MTHFD1L: variants seen among roughly 807,000 people sequenced by gnomAD.
MTHFD1L encodes the protein methylenetetrahydrofolate dehydrogenase (NADP+ dependent) 1 like.
A neutral mutation model predicts 119.5 loss-of-function variants in MTHFD1L; 81 were observed. The observed-to-expected ratio is 0.68, with a 90% CI of 0.57 to 0.82. The LOEUF (loss-of-function observed/expected upper bound fraction) is 0.82, where lower values mean the gene tolerates loss of function less well. Among genes scored for constraint, MTHFD1L ranks in the 40% least tolerant of loss-of-function variants. The probability of loss-of-function intolerance (pLI) is 0.00; values close to 1 mark genes in which losing one functional copy is unlikely to be tolerated. For synonymous variants in MTHFD1L, 430 were observed against 475.2 expected, an observed-to-expected ratio of 0.90 and a Z score of 1.24; for missense variants, 1,125 against 1,253.4, an observed-to-expected ratio of 0.90 and a Z score of 1.55.
intron 27 of MTHFD1L, chr6:151,099,865 A>C: frequency 2.5e-6 from 4 of 1,581,906 alleles, no homozygotes; most frequent in Non-Finnish European, 3.4e-6. Flanking sequence ...CATCGTGGAA[A>C]GAGCTGCCCA....
intron 8 of MTHFD1L, among the ~76,000 whole-genome samples, chr6:150,914,532 C>A (rs983484559): frequency 6.6e-5 from 10 of 150,996 alleles, no homozygotes; most frequent in Non-Finnish European, 1.5e-4. Context: ...GGTGGCACAC[C>A]CTTGCAATCC....
intron 24 of MTHFD1L, among the ~76,000 whole-genome samples, chr6:151,029,391 C>T (rs903044808): frequency 6.6e-6 from 1 of 151,570 alleles, no homozygotes; most frequent in Non-Finnish European, 1.5e-5. Flanking sequence ...ACTACACTAC[C>T]AGCCTGGGTA....
chr6:151,078,081 A>G (rs1009443787), intron 26 of MTHFD1L, among the ~76,000 whole-genome samples: 1 of 148,516 alleles, frequency 6.7e-6, no homozygotes, highest in Non-Finnish European at 1.5e-5. Context: ...AAAATCAAGG[A>G]AAATAATATA....
rs565356763 is a variant in MTHFD1L, at chr6:150,944,709, A to G, written c.1548+116A>G. 42 of 746,098 alleles carry G rather than the reference A, an allele frequency of 5.6e-5. No homozygotes were observed. The South Asian group carries it at 7.9e-4, about 14-fold the overall frequency. 46.2% of individuals were successfully genotyped at this position (746,098 alleles called of 1,614,324 possible). On this transcript the variant is annotated intron_variant, in intron 14 of 27. Coordinates refer to ENST00000367321, the MANE Select transcript of MTHFD1L (RefSeq NM_015440.5). ...CAAACTCTGAAATGTTATTCAATTC[A>G]ATTTTGTGATTTTTACATATGTCCC...
chr6:150,888,006 A>G (rs1369069065), intron 7 of MTHFD1L, 25 bp downstream of exon 7: 13 of 1,581,824 alleles, frequency 8.2e-6, no homozygotes, highest in Non-Finnish European at 1.1e-5. Flanking sequence ...AGAAACATAC[A>G]TCTTGAAGGC....
At chr6:151,042,379 T>G (rs1307810820) in intron 26 of MTHFD1L, among the ~76,000 whole-genome samples, 1 of 152,240 alleles carries the variant, frequency 6.6e-6, no homozygotes, top group South Asian at 2.1e-4. Context: ...TTGTAAGAGA[T>G]AGTTTTTCTA....
intron 27 of MTHFD1L, among the ~76,000 whole-genome samples, chr6:151,098,727 C>G (rs1188470993): frequency 6.6e-6 from 1 of 152,148 alleles, no homozygotes; most frequent in Non-Finnish European, 1.5e-5. Context: ...AGATATTTTC[C>G]CACTGAGTTA....
Position 150,949,048 on chromosome 6 carries a change from G to A in MTHFD1L, c.1641G>A (p.Lys547=). 6.2e-7 allele frequency: 1 copy of A among 1,613,830 alleles called. No homozygotes were observed. ...ATCATTAGAAACTGGGAATAAATAA[G>A]ACTGATCCGAGCACACTGACAGAAG... ...LARLKKLGIN[K]TDPSTLTEEE... is the part of the protein sequence containing the mutation. Residue 547 remains lysine, a synonymous_variant, in exon 16 of 28, where the codon AAG becomes AAA. Transcript: ENST00000367321.
chr6:150,938,762 A>T lies in MTHFD1L; in HGVS notation c.1440+17A>T. 1 of 1,599,910 alleles carries T rather than the reference A, an allele frequency of 6.3e-7. No individual in the cohort carries two copies. Among genetic ancestry groups the T allele is most frequent in the Non-Finnish European group, 8.5e-7 (1 of 1,173,134 alleles). ...ATGGAGGAGGTAAGACCTTGAAGAG[A>T]TGCGGGTCAGCTATCACTGTGTTTC... On this transcript the variant is annotated intron_variant, in intron 13 of 27. Transcript: ENST00000367321.
rs557049931 is a variant in MTHFD1L at position 151,065,024 on chromosome 6, G to A, written c.2848-27443G>A. Among the ~76,000 whole-genome samples the A allele has an allele frequency of 3.9e-5, 6 of 152,078 alleles. No homozygotes were observed. In the South Asian group the frequency reaches 6.2e-4, roughly 16 times the overall value. On this transcript the variant is annotated intron_variant, in intron 26 of 27. Coordinates refer to ENST00000367321, the MANE Select transcript of MTHFD1L (RefSeq NM_015440.5). ...TCACCATGTTGGCCAGACTGGTCTCGAACCCTTGACCTCAGGTGATCCACC... is the reference window on the plus strand; with the variant it reads ...TCACCATGTTGGCCAGACTGGTCTCAAACCCTTGACCTCAGGTGATCCACC...
chr6:151,003,306 C>T (rs545444591), intron 20 of MTHFD1L, among the ~76,000 whole-genome samples: 41 of 152,210 alleles, frequency 2.7e-4, no homozygotes, highest in African/African-American at 9.4e-4. Context: ...CCGAGGTGGG[C>T]GGATCACCTG....
chr6:150,900,333 T>C (rs527934929), intron 7 of MTHFD1L, among the ~76,000 whole-genome samples: 274 of 152,286 alleles, frequency 1.8e-3, no homozygotes, highest in Non-Finnish European at 3.4e-3. Flanking sequence ...CTGCCCTTCG[T>C]AGCTCCTGAG....
chr6:151,003,076 A>C (rs1780845177), intron 20 of MTHFD1L, among the ~76,000 whole-genome samples: 2 of 152,240 alleles, frequency 1.3e-5, no homozygotes, highest in Admixed American at 1.3e-4. Flanking sequence ...GTGATTCTGC[A>C]GAAATGGGTT....
At chr6:151,038,444 G>A (rs1210149139) in intron 26 of MTHFD1L, among the ~76,000 whole-genome samples, 1 of 152,166 alleles carries the variant, frequency 6.6e-6, no homozygotes, top group Non-Finnish European at 1.5e-5. Context: ...ATGGGAATGG[G>A]ATTGGGATAG....
At chr6:150,876,029 G>A in intron 1 of MTHFD1L, 61 bp from the exon 2 acceptor site, 1 of 1,276,460 alleles carries the variant, frequency 7.8e-7, no homozygotes, top group Non-Finnish European at 1.1e-6. Flanking sequence ...AAAATGTGTT[G>A]TGTCAGTCCT....
intron 19 of MTHFD1L, among the ~76,000 whole-genome samples, chr6:150,969,037 C>G (rs1165818832): frequency 6.6e-6 from 1 of 151,350 alleles, no homozygotes; most frequent in Non-Finnish European, 1.5e-5. Flanking sequence ...TTAGTAGAGA[C>G]AGGGTTTTAC....
At chr6:150,987,063 G>C (rs1778412647) in intron 20 of MTHFD1L, among the ~76,000 whole-genome samples, 1 of 152,088 alleles carries the variant, frequency 6.6e-6, no homozygotes, top group Non-Finnish European at 1.5e-5. Flanking sequence ...ACAGAAACAA[G>C]GCTTTTAATG....
chr6:151,052,509 A>G (rs1022856009), intron 26 of MTHFD1L, among the ~76,000 whole-genome samples: 4 of 152,172 alleles, frequency 2.6e-5, no homozygotes, highest in African/African-American at 9.7e-5. Flanking sequence ...GAGTGCCCTG[A>G]GGTGTCTTAA....
At chr6:151,052,682 G>A (rs1381963161) in intron 26 of MTHFD1L, among the ~76,000 whole-genome samples, 1 of 152,160 alleles carries the variant, frequency 6.6e-6, no homozygotes, top group South Asian at 2.1e-4. Flanking sequence ...GGGAATAAGG[G>A]GATCAGACCA....
Sources: allele counts gnomAD v4.1 joint callset (sites outside exome capture counted in the v4.1 genomes callset), GRCh38; gene constraint gnomAD v4.1.1; transcripts MANE v1.5; gene names NCBI Gene and HGNC (gene_info 2026-07-23, HGNC 2026-07-21).